LRRC40: variants seen among roughly 807,000 people sequenced by gnomAD.
LRRC40 encodes leucine rich repeat containing 40.
A neutral mutation model predicts 72.8 loss-of-function variants in LRRC40; 76 were observed. The ratio of observed to expected loss-of-function variants is 1.04; its 90% CI spans 0.87 to 1.26. The LOEUF is 1.26. LRRC40 is among the 50% of genes most tolerant of loss of function. The probability of loss-of-function intolerance (pLI) is 0.00; values close to 1 mark genes in which losing one functional copy is unlikely to be tolerated. For synonymous variants in LRRC40, 243 were observed against 254.2 expected (o/e 0.96, Z 0.42); for missense variants, 684 against 698.9 (o/e 0.98, Z 0.24).
chr1:70,173,594 C>CAAT, intron 8 of LRRC40, 28 bp downstream of exon 8: 1 of 1,508,042 alleles, frequency 6.6e-7, no homozygotes. Context: ...TTCAATTTAA[C>CAAT]AAAGAGCTGA....
chr1:70,160,814 C>T, intron 9 of LRRC40, among the ~76,000 whole-genome samples: 1 of 151,266 alleles, frequency 6.6e-6, no homozygotes, highest in East Asian at 1.9e-4. Flanking sequence ...TTTTTTTAAC[C>T]ATGTGCATTT....
At chr1:70,150,761 G>T (rs1391468640) in intron 13 of LRRC40, among the ~76,000 whole-genome samples, 1 of 152,162 alleles carries the variant, frequency 6.6e-6, no homozygotes, top group Non-Finnish European at 1.5e-5. Flanking sequence ...CTCTCTACCT[G>T]AATGGCTGGC....
chr1:70,174,156 G>C (rs1470113924), intron 7 of LRRC40, among the ~76,000 whole-genome samples: 2 of 151,910 alleles, frequency 1.3e-5, no homozygotes. Context: ...AATAAAGAAA[G>C]TCATCTTCAT....
At chr1:70,157,041 C>CT (rs1021438889) in intron 10 of LRRC40, among the ~76,000 whole-genome samples, 1 of 152,012 alleles carries the variant, frequency 6.6e-6, no homozygotes, top group Non-Finnish European at 1.5e-5. Context: ...ATTATTAGTG[C>CT]TTAATACAAT....
chr1:70,201,622 A>T (rs1361917476), intron 1 of LRRC40, among the ~76,000 whole-genome samples: 1 of 152,202 alleles, frequency 6.6e-6, no homozygotes, highest in Non-Finnish European at 1.5e-5. Context: ...AAATGAGCAT[A>T]TGAAAAGACA....
chr1:70,149,478 T>G (rs995674576), intron 13 of LRRC40, among the ~76,000 whole-genome samples: 1 of 152,184 alleles, frequency 6.6e-6, no homozygotes, highest in Non-Finnish European at 1.5e-5. Flanking sequence ...AAATGACCCC[T>G]TAATAGGCTC....
At chr1:70,158,112 AAAAAAAAAAAAAAAAGCT>A (rs1667681220) in intron 10 of LRRC40, among the ~76,000 whole-genome samples, 1 of 150,090 alleles carries the variant, frequency 6.7e-6, no homozygotes. Flanking sequence ...AAAAAAAAAA[AAAAAAAAAAAAAAAAGCT>A]AAGTTGCCAT....
At chr1:70,160,890 G>A (rs1667743556) in intron 9 of LRRC40, among the ~76,000 whole-genome samples, 1 of 151,558 alleles carries the variant, frequency 6.6e-6, no homozygotes, top group South Asian at 2.1e-4. Context: ...AAAGGGCCAT[G>A]TAAGTGCCAA....
intron 2 of LRRC40, among the ~76,000 whole-genome samples, 165 bp from the exon 3 acceptor site, chr1:70,187,503 T>C (rs2100325066): frequency 1.3e-5 from 2 of 152,108 alleles, no homozygotes; most frequent in Middle Eastern, 3.4e-3. Context: ...GTAGAACAGT[T>C]TGAAGATGAC....
chr1:70,174,478 A>C (rs879301688), intron 7 of LRRC40, among the ~76,000 whole-genome samples: 92 of 152,122 alleles, frequency 6.0e-4, no homozygotes, highest in Non-Finnish European at 8.8e-5. Context: ...GTCCACACAG[A>C]AACTTGCACA....
At chr1:70,184,760 C>CA in intron 4 of LRRC40, 25 bp downstream of exon 4, 1 of 1,579,526 alleles carries the variant, frequency 6.3e-7, no homozygotes, top group Non-Finnish European at 8.6e-7. Flanking sequence ...CCAAATTGTA[C>CA]AAAAATTGGA....
chr1:70,151,286 GA>G (rs914975018), intron 12 of LRRC40, 81 bp from the exon 13 acceptor site: 364 of 664,566 alleles, frequency 5.5e-4, no homozygotes, highest in Admixed American at 8.6e-4. Flanking sequence ...TATTGAGCAG[GA>G]AAAAAAAATA....
At chr1:70,152,597 C>G in intron 11 of LRRC40, 54 bp from the exon 12 acceptor site, 1 of 899,788 alleles carries the variant, frequency 1.1e-6, no homozygotes, top group Non-Finnish European at 1.9e-6. Flanking sequence ...GCCAGAACTT[C>G]AAAACTGTAA....
intron 11 of LRRC40, among the ~76,000 whole-genome samples, chr1:70,153,836 G>A: frequency 6.6e-6 from 1 of 151,994 alleles, no homozygotes; most frequent in East Asian, 1.9e-4. Context: ...AGTGGGGTGT[G>A]GTGGCATATG....
intron 1 of LRRC40, among the ~76,000 whole-genome samples, chr1:70,189,896 A>G (rs963216254): frequency 6.6e-6 from 1 of 152,198 alleles, no homozygotes; most frequent in African/African-American, 2.4e-5. Flanking sequence ...TGGCAGTGCT[A>G]TACTGTCTTG....
At chr1:70,201,726 A>G (rs947837177) in intron 1 of LRRC40, among the ~76,000 whole-genome samples, 3 of 152,098 alleles carry the variant, frequency 2.0e-5, no homozygotes, top group African/African-American at 7.2e-5. Context: ...TAATCCCAAC[A>G]CTTTGGGAGG....
In LRRC40 at chr1:70,148,682, CAT is replaced by C. The variant is rs766931580; in HGVS notation, c.1518-12_1518-11del. 1.9e-6 allele frequency: 3 copies of C among 1,566,032 alleles called. No individual in the cohort carries two copies. In the East Asian group the frequency reaches 6.8e-5, roughly 35 times the overall value. ...AGGTAGCATTTTAAACCTATTAATA[CAT>C]GAACAGAACACCTAAATATACTGGA... On this transcript the variant is annotated splice_polypyrimidine_tract_variant and intron_variant, in intron 13 of 14. Transcript: ENST00000370952.
At chr1:70,173,381 CA>C in intron 9 of LRRC40, 83 bp downstream of exon 9, 1 of 979,012 alleles carries the variant, frequency 1.0e-6, no homozygotes, top group Non-Finnish European at 1.6e-6. Flanking sequence ...TATGTATACC[CA>C]AAAGACATTT....
chr1:70,195,785 G>A (rs1291134681), intron 1 of LRRC40, among the ~76,000 whole-genome samples: 1 of 152,244 alleles, frequency 6.6e-6, no homozygotes, highest in East Asian at 1.9e-4. Flanking sequence ...ACAGGCATGT[G>A]CCACCATGCC....
Sources: gnomAD v4.1 joint callset for allele counts (sites outside exome capture counted in the v4.1 genomes callset) on GRCh38, gnomAD v4.1.1 for gene constraint, MANE v1.5 for transcripts, NCBI Gene and HGNC (gene_info 2026-07-23, HGNC 2026-07-21) for gene names.